Variants in PDE3B observed in about 807,000 individuals in gnomAD.
PDE3B encodes the protein cGMP-inhibited 3',5'-cyclic phosphodiesterase 3B.
Under a neutral mutation model 116.8 loss-of-function variants are expected in PDE3B, and 66 were observed. The observed-to-expected ratio is 0.56, with a 90% CI of 0.46 to 0.69. The LOEUF is 0.69. PDE3B is among the 30% of genes least tolerant of loss of function. The pLI is 0.00. For synonymous variants in PDE3B, 595 were observed against 533.6 expected, an observed-to-expected ratio of 1.12 and a Z score of -1.59; for missense variants, 1,384 against 1,368.1, an observed-to-expected ratio of 1.01 and a Z score of -0.18.
chr11:14,822,052 C>A (rs370403184), intron 7 of PDE3B, among the ~76,000 whole-genome samples: 1 of 151,962 alleles, frequency 6.6e-6, no homozygotes, highest in South Asian at 2.1e-4. Context: ...GACTACAGCA[C>A]CATGCCCGGC....
At chr11:14,691,931 A>G (rs1855050614) in intron 1 of PDE3B, among the ~76,000 whole-genome samples, 1 of 152,148 alleles carries the variant, frequency 6.6e-6, no homozygotes, top group South Asian at 2.1e-4. Context: ...TAATAGGAGC[A>G]ACATCTGCTT....
At chr11:14,748,905 T>C (rs1216386981) in intron 1 of PDE3B, among the ~76,000 whole-genome samples, 1 of 151,750 alleles carries the variant, frequency 6.6e-6, no homozygotes, top group African/African-American at 2.4e-5. Context: ...TTTTTTTTTT[T>C]TGAGACAGAG....
At chr11:14,881,474 T>C in the PDE3B span, among the ~76,000 whole-genome samples, 1 of 152,128 alleles carries the variant, frequency 6.6e-6, no homozygotes, top group Non-Finnish European at 1.5e-5. Flanking sequence ...TTATGTAACA[T>C]GTACTTTACT....
intron 1 of PDE3B, among the ~76,000 whole-genome samples, chr11:14,733,669 AT>A (rs1471994070): frequency 6.6e-6 from 1 of 152,174 alleles, no homozygotes; most frequent in Non-Finnish European, 1.5e-5. Flanking sequence ...GTACAGGATC[AT>A]TTTGTGGGAA....
At chr11:14,800,998 C>A (rs1858743982) in intron 4 of PDE3B, among the ~76,000 whole-genome samples, 1 of 151,992 alleles carries the variant, frequency 6.6e-6, no homozygotes, top group African/African-American at 2.4e-5. Context: ...TTTTTCAGCT[C>A]CATCAGGTCA....
chr11:14,822,214 T>G (rs1345083601), intron 7 of PDE3B, among the ~76,000 whole-genome samples: 2 of 152,012 alleles, frequency 1.3e-5, no homozygotes, highest in Non-Finnish European at 2.9e-5. Context: ...AGATCTCTTT[T>G]TACAAAAAAA....
At chr11:14,793,868 A>G (rs1236827204) in intron 4 of PDE3B, among the ~76,000 whole-genome samples, 2 of 152,228 alleles carry the variant, frequency 1.3e-5, no homozygotes, top group Non-Finnish European at 2.9e-5. Context: ...CACCAAGGTT[A>G]TATTAGCAAA....
At chr11:14,872,357 T>C (rs182084229), downstream of PDE3B, among the ~76,000 whole-genome samples, 127 of 152,216 alleles carry the variant, frequency 8.3e-4, no homozygotes, top group African/African-American at 2.8e-3. Context: ...AACTCAGAAC[T>C]GAAGAATTAA....
chr11:14,886,014 TTTG>T, the PDE3B span: 3 of 1,208,744 alleles, frequency 2.5e-6, no homozygotes, highest in Non-Finnish European at 3.6e-6. Context: ...TCTTCCAGGA[TTTG>T]TTACGTCCCT....
chr11:14,840,293 G>C (rs1590185160), intron 11 of PDE3B, among the ~76,000 whole-genome samples: 1 of 152,204 alleles, frequency 6.6e-6, no homozygotes, highest in East Asian at 1.9e-4. Flanking sequence ...TTCTGTAAAA[G>C]CAGCTAAATT....
At chr11:14,893,095 C>T in the PDE3B span, among the ~76,000 whole-genome samples, 2 of 152,158 alleles carry the variant, frequency 1.3e-5, no homozygotes, top group African/African-American at 4.8e-5. Context: ...TTTTATGGTC[C>T]TCATTAGCTT....
intron 10 of PDE3B, among the ~76,000 whole-genome samples, chr11:14,833,766 CTAA>C (rs1387061946): frequency 1.3e-5 from 2 of 152,066 alleles, no homozygotes; most frequent in Non-Finnish European, 2.9e-5. Flanking sequence ...GCATAACTCA[CTAA>C]TAATGTTTAA....
chr11:14,883,614 A>G, the PDE3B span, among the ~76,000 whole-genome samples: 3 of 152,144 alleles, frequency 2.0e-5, no homozygotes, highest in Non-Finnish European at 1.5e-5. Flanking sequence ...CATTCAGGAG[A>G]TAGGCATGGG....
intron 12 of PDE3B, among the ~76,000 whole-genome samples, chr11:14,855,116 TCCAGGTAGTCTGTC>T (rs1349995142): frequency 6.6e-6 from 1 of 151,946 alleles, no homozygotes; most frequent in East Asian, 1.9e-4. Context: ...GAAGTAGAAG[TCCAGGTAGTCTGTC>T]CCAGGACATA....
In PDE3B at chr11:14,858,169, A is replaced by C. The variant is rs1345678926; in HGVS notation, c.2521-874A>C. 2.0e-5 allele frequency among the ~76,000 whole-genome samples: 3 copies of C among 152,302 alleles called. No homozygotes were observed. In the East Asian group the frequency reaches 5.8e-4, roughly 29 times the overall value. ...TCTCAGAATATGTATCCTACCTGAGATCTCATTCCGTCCTTCTTTCTCATT... is the reference window on the plus strand; with the variant it reads ...TCTCAGAATATGTATCCTACCTGAGCTCTCATTCCGTCCTTCTTTCTCATT... On this transcript the variant is annotated intron_variant, in intron 12 of 15. Coordinates refer to ENST00000282096, the MANE Select transcript of PDE3B (RefSeq NM_000922.4).
chr11:14,898,431 C>A, the PDE3B span, among the ~76,000 whole-genome samples: 2 of 152,208 alleles, frequency 1.3e-5, no homozygotes, highest in Non-Finnish European at 2.9e-5. Context: ...CCTCACACCA[C>A]AATGACACAT....
chr11:14,690,440 C>T (rs1291703212), intron 1 of PDE3B, among the ~76,000 whole-genome samples: 1 of 151,914 alleles, frequency 6.6e-6, no homozygotes, highest in African/African-American at 2.4e-5. Context: ...GAGGTGATAA[C>T]AAAAGTTATG....
At position 14,741,861 on chromosome 11, in the gene PDE3B, C is replaced by T. The variant is rs934359029; in HGVS notation, c.979-30076C>T. On this transcript the variant is annotated intron_variant, in intron 1 of 15. Coordinates refer to ENST00000282096, the MANE Select transcript of PDE3B (RefSeq NM_000922.4). ...CTTTGTTTATCAAGCTTTAGTTTGA[C>T]TGGATATGAAATTCTGAGTTGAAAA... Among the ~76,000 whole-genome samples the T allele has an allele frequency of 3.9e-5, 6 of 152,200 alleles. No homozygotes were observed. In the East Asian group the frequency reaches 9.6e-4, roughly 24 times the overall value.
At chr11:14,667,505 G>A (rs1313690140) in intron 1 of PDE3B, among the ~76,000 whole-genome samples, 1 of 151,204 alleles carries the variant, frequency 6.6e-6, no homozygotes, top group African/African-American at 2.4e-5. Context: ...ATACTATGCA[G>A]CCATAAAAAA....
Sources: gnomAD v4.1 joint callset for allele counts (sites outside exome capture counted in the v4.1 genomes callset) on GRCh38, gnomAD v4.1.1 for gene constraint, MANE v1.5 for transcripts, NCBI Gene and HGNC (gene_info 2026-07-23, HGNC 2026-07-21) for gene names.